TRAPPC9: variants seen among roughly 807,000 people sequenced by gnomAD.
TRAPPC9 encodes trafficking protein particle complex subunit 9.
Under a neutral mutation model 124.0 loss-of-function variants are expected in TRAPPC9, and 83 were observed. The ratio of observed to expected loss-of-function variants is 0.67; its 90% CI spans 0.56 to 0.80. TRAPPC9 has a LOEUF of 0.80. TRAPPC9 is among the 30% of genes least tolerant of loss of function. The pLI is 0.00. For synonymous variants in TRAPPC9, 638 were observed against 617.5 expected (o/e 1.03, Z -0.49); for missense variants, 1,302 against 1,508.3 (o/e 0.86, Z 2.27).
At chr8:140,420,209 AAAG>A (rs1291224132) in intron 5 of TRAPPC9, among the ~76,000 whole-genome samples, 2 of 152,200 alleles carry the variant, frequency 1.3e-5, no homozygotes, top group African/African-American at 4.8e-5. Context: ...AAAAAAAATT[AAAG>A]AAGGTAAATG....
chr8:139,950,606 A>G (rs1587320483), intron 19 of TRAPPC9, among the ~76,000 whole-genome samples: 1 of 152,242 alleles, frequency 6.6e-6, no homozygotes. Context: ...ACAAGGCTGC[A>G]CCAGCCAAGG....
At chr8:139,881,731 T>C (rs557366570) in intron 21 of TRAPPC9, among the ~76,000 whole-genome samples, 14 of 149,096 alleles carry the variant, frequency 9.4e-5, no homozygotes, top group Non-Finnish European at 2.1e-4. Context: ...CTCTATGCCA[T>C]GCAAACGAGA....
At chr8:140,420,309 T>C (rs959772591) in intron 5 of TRAPPC9, among the ~76,000 whole-genome samples, 16 of 152,106 alleles carry the variant, frequency 1.1e-4, no homozygotes, top group African/African-American at 3.9e-4. Context: ...GTTTGGAGAA[T>C]CTCTATCAAA....
chr8:139,822,897 C>A (rs114858912), intron 21 of TRAPPC9, among the ~76,000 whole-genome samples: 1 of 152,232 alleles, frequency 6.6e-6, no homozygotes, highest in African/African-American at 2.4e-5. Flanking sequence ...CTGGAGGCTA[C>A]AAGTCCAAGA....
intron 5 of TRAPPC9, among the ~76,000 whole-genome samples, chr8:140,408,809 A>G (rs2069589798): frequency 6.6e-6 from 1 of 151,994 alleles, no homozygotes; most frequent in East Asian, 1.9e-4. Flanking sequence ...TTGGAAAAAA[A>G]AAAAAAAAAA....
In TRAPPC9 at chr8:139,939,349, G is replaced by A. The variant is rs57933719; in HGVS notation, c.2811-29049C>T. ...ACACAGCAAGAGGCGTGGCGGGCAG[G>A]TGCCAGCACCTGAGAGGGGGCCGGG... is the stretch of plus-strand genomic sequence containing the variant. On this transcript the variant is annotated intron_variant, in intron 19 of 22. Coordinates refer to ENST00000438773, the MANE Select transcript of TRAPPC9 (RefSeq NM_001160372.4). Among the ~76,000 whole-genome samples, 871 of 152,332 alleles carry A rather than the reference G, an allele frequency of 5.7e-3. 10 individuals are homozygous for A. Among genetic ancestry groups the A allele is most frequent in the African/African-American group, 0.02 (822 of 41,584 alleles).
chr8:140,350,530 G>A (rs2067530553), intron 9 of TRAPPC9, among the ~76,000 whole-genome samples: 1 of 152,128 alleles, frequency 6.6e-6, no homozygotes, highest in Non-Finnish European at 1.5e-5. Flanking sequence ...TGTGTTCCAG[G>A]CCGTCCCAGG....
intron 21 of TRAPPC9, among the ~76,000 whole-genome samples, chr8:139,862,783 T>A (rs897075298): frequency 1.3e-5 from 2 of 152,174 alleles, no homozygotes; most frequent in African/African-American, 2.4e-5. Context: ...GGCCAGGGGC[T>A]CCCCAGGGTC....
Position 140,273,083 on chromosome 8 carries a change from T to C in TRAPPC9, c.2278+2575A>G, listed in dbSNP as rs375346358. Among the ~76,000 whole-genome samples the C allele has an allele frequency of 5.9e-4, 90 of 152,304 alleles. 2 individuals are homozygous for C. The South Asian group carries it at 0.018, about 31-fold the overall frequency. On this transcript the variant is annotated intron_variant, in intron 15 of 22. Transcript: ENST00000438773. The stretch of plus-strand genomic sequence containing the variant: ...TTCTTAGTGTTATTTTACAGAACAG[T>C]AGGGCCAGACAGTGCCCTCCCCAGA...
At position 140,392,316 on chromosome 8, in the gene TRAPPC9, T is replaced by C. The variant is rs184643151; in HGVS notation, c.1134+5304A>G. On this transcript the variant is annotated intron_variant, in intron 7 of 22. Coordinates refer to ENST00000438773, the MANE Select transcript of TRAPPC9 (RefSeq NM_001160372.4). ...AAGCTGGCTGCTTAATCACTCATAT[T>C]ATCAATGAGTTTCAGCTTATCCGAT... 3.7e-3 allele frequency among the ~76,000 whole-genome samples: 568 copies of C among 152,348 alleles called. 3 individuals carry two copies. The highest frequency in any genetic ancestry group is 6.0e-3 in the Admixed American group (92 of 15,296).
At chr8:140,445,133 T>C (rs1249370592) in intron 2 of TRAPPC9, among the ~76,000 whole-genome samples, 1 of 151,968 alleles carries the variant, frequency 6.6e-6, no homozygotes, top group African/African-American at 2.4e-5. Flanking sequence ...CAAAAACACT[T>C]CCCCCATGGC....
chr8:140,004,891 G>C (rs1838648242), intron 18 of TRAPPC9, among the ~76,000 whole-genome samples: 1 of 152,158 alleles, frequency 6.6e-6, no homozygotes, highest in Non-Finnish European at 1.5e-5. Context: ...AAAACAGGTA[G>C]TGATGGCCAC....
chr8:140,450,927 C>G lies in TRAPPC9; in HGVS notation c.447G>C (p.Glu149Asp). 6.2e-7 allele frequency: 1 copy of G among 1,614,154 alleles called. No homozygotes were observed. The highest frequency in any genetic ancestry group is 1.3e-5 in the African/African-American group (1 of 75,038). Residue 149 changes from glutamate (E) to aspartate (D), a missense_variant, in exon 2 of 23, where the codon GAG becomes GAC. Glu to Asp is a conservative substitution (Grantham distance 45). Coordinates refer to ENST00000438773, the MANE Select transcript of TRAPPC9 (RefSeq NM_001160372.4). ...CGATGAACAGTGACTCGATGAAGTCCTCGATTCTCTTCTCCACCGTCTGGC... is the reference window on the plus strand; with the variant it reads ...CGATGAACAGTGACTCGATGAAGTCGTCGATTCTCTTCTCCACCGTCTGGC... ...EDCQTVEKRI[E>D]DFIESLFIVL...
intron 19 of TRAPPC9, among the ~76,000 whole-genome samples, chr8:139,949,008 G>A (rs1412168462): frequency 6.6e-6 from 1 of 152,104 alleles, no homozygotes; most frequent in East Asian, 1.9e-4. Context: ...AGGAGGCAGA[G>A]GTTGCCGTGA....
At chr8:140,184,019 T>C (rs60065530) in intron 17 of TRAPPC9, among the ~76,000 whole-genome samples, 21,813 of 135,880 alleles carry the variant, frequency 0.16, 2,694 homozygotes, top group East Asian at 0.64. Context: ...AGAAGATCCA[T>C]TGGTCTGAGC....
chr8:140,376,553 TAAAAAAAAA>T lies in TRAPPC9; in HGVS notation c.1135-5382_1135-5374del, dbSNP rs34319639. On this transcript the variant is annotated intron_variant, in intron 7 of 22. Coordinates refer to ENST00000438773, the MANE Select transcript of TRAPPC9 (RefSeq NM_001160372.4). The stretch of plus-strand genomic sequence containing the variant: ...CCTGGGCACAGAGCAAGACTCCATC[TAAAAAAAAA>T]AAAAAAAAAAAAAAAAGAATCACAG... Among the ~76,000 whole-genome samples the T allele has an allele frequency of 5.0e-4, 25 of 49,766 alleles. No homozygotes were observed. In the East Asian group the frequency reaches 0.015, roughly 29 times the overall value. 32.6% of individuals were successfully genotyped at this position (49,766 alleles called of 152,430 possible).
chr8:139,821,149 A>G (rs946498454), intron 21 of TRAPPC9, among the ~76,000 whole-genome samples: 5 of 152,392 alleles, frequency 3.3e-5, no homozygotes, highest in African/African-American at 1.2e-4. Context: ...ACACAATTCT[A>G]TAGAAGAGGC....
At chr8:140,414,399 T>C (rs577107967) in intron 5 of TRAPPC9, among the ~76,000 whole-genome samples, 3 of 152,136 alleles carry the variant, frequency 2.0e-5, no homozygotes, top group Admixed American at 2.0e-4. Flanking sequence ...CCAGGCATGG[T>C]GTCATGGCCC....
At chr8:140,225,751 G>A (rs917776688) in intron 16 of TRAPPC9, among the ~76,000 whole-genome samples, 1 of 152,148 alleles carries the variant, frequency 6.6e-6, no homozygotes, top group Non-Finnish European at 1.5e-5. Flanking sequence ...GCCCAAAGGG[G>A]TATTTTTGCC....
Sources: allele counts gnomAD v4.1 joint callset (sites outside exome capture counted in the v4.1 genomes callset), GRCh38; gene constraint gnomAD v4.1.1; transcripts MANE v1.5; gene names NCBI Gene and HGNC (gene_info 2026-07-23, HGNC 2026-07-21).